Variants in TAB2 observed in about 807,000 individuals in gnomAD.
TAB2 encodes TGF-beta-activated kinase 1 and MAP3K7-binding protein 2.
TAB2 carries 3 observed loss-of-function variants against 65.0 expected under a neutral mutation model. That is an observed-to-expected ratio of 0.05 (90% CI 0.02 to 0.12). The LOEUF (loss-of-function observed/expected upper bound fraction) is 0.12, where lower values mean the gene tolerates loss of function less well. Among genes scored for constraint, TAB2 ranks in the 10% least tolerant of loss-of-function variants. The probability of loss-of-function intolerance (pLI) is 1.00; values close to 1 mark genes in which losing one functional copy is unlikely to be tolerated. For synonymous variants in TAB2, 298 were observed against 285.1 expected (o/e 1.05, Z -0.46); for missense variants, 623 against 840.3 (o/e 0.74, Z 3.20).
At chr6:149,257,956 C>T (rs186647348) in intron 1 of TAB2, among the ~76,000 whole-genome samples, 62 of 152,252 alleles carry the variant, frequency 4.1e-4, no homozygotes, top group Non-Finnish European at 2.2e-4. Context: ...TGGGGAGTGA[C>T]GAAGAAGCAA....
intron 6 of TAB2, among the ~76,000 whole-genome samples, chr6:149,399,626 T>A (rs1376616316): frequency 6.6e-6 from 1 of 152,080 alleles, no homozygotes; most frequent in African/African-American, 2.4e-5. Flanking sequence ...CTTCTATCAT[T>A]TTACATCATT....
chr6:149,394,791 C>T (rs1782112804), intron 3 of TAB2, among the ~76,000 whole-genome samples: 1 of 152,170 alleles, frequency 6.6e-6, no homozygotes, highest in Non-Finnish European at 1.5e-5. Flanking sequence ...TATGATAGAT[C>T]CCCATTTTAT....
At chr6:149,300,237 T>C (rs1778948426) in intron 1 of TAB2, among the ~76,000 whole-genome samples, 1 of 152,256 alleles carries the variant, frequency 6.6e-6, no homozygotes, top group Non-Finnish European at 1.5e-5. Context: ...ACAGTTATTC[T>C]GATTTTAAAA....
intron 1 of TAB2, among the ~76,000 whole-genome samples, chr6:149,250,710 G>C (rs1229141840): frequency 6.6e-6 from 1 of 152,144 alleles, no homozygotes; most frequent in Admixed American, 6.5e-5. Context: ...GGAAGTTTAG[G>C]GGGCAGATGG....
chr6:149,356,424 C>T (rs1196366958), intron 1 of TAB2, among the ~76,000 whole-genome samples: 2 of 152,192 alleles, frequency 1.3e-5, no homozygotes, highest in Admixed American at 6.5e-5. Context: ...ATACCATAAA[C>T]TAGGTAGCTT....
At chr6:149,366,686 A>T (rs1781051332) in intron 1 of TAB2, among the ~76,000 whole-genome samples, 1 of 152,050 alleles carries the variant, frequency 6.6e-6, no homozygotes, top group Non-Finnish European at 1.5e-5. Flanking sequence ...TCTACTGTTT[A>T]TAGTTGTTAT....
intron 1 of TAB2, among the ~76,000 whole-genome samples, chr6:149,282,442 T>C (rs1778591967): frequency 6.6e-6 from 1 of 151,988 alleles, no homozygotes; most frequent in African/African-American, 2.4e-5. Flanking sequence ...ATTGGGAATA[T>C]GAGCTAATTA....
intron 1 of TAB2, among the ~76,000 whole-genome samples, chr6:149,302,797 A>T (rs1778992968): frequency 6.6e-6 from 1 of 152,326 alleles, no homozygotes; most frequent in African/African-American, 2.4e-5. Flanking sequence ...TTCATATCTT[A>T]TCAGCAGGGT....
chr6:149,303,796 G>A (rs1195198446), intron 1 of TAB2, among the ~76,000 whole-genome samples: 1 of 152,074 alleles, frequency 6.6e-6, no homozygotes, highest in Non-Finnish European at 1.5e-5. Flanking sequence ...GCCTACTATG[G>A]ACGAGGTCCT....
intron 1 of TAB2, among the ~76,000 whole-genome samples, chr6:149,254,536 A>G (rs563743447): frequency 1.3e-5 from 2 of 152,224 alleles, no homozygotes; most frequent in East Asian, 1.9e-4. Flanking sequence ...GTGTTCAGGC[A>G]TAAGGCTCAT....
intron 1 of TAB2, among the ~76,000 whole-genome samples, chr6:149,349,494 A>G (rs1006621684): frequency 2.0e-5 from 3 of 151,702 alleles, no homozygotes; most frequent in Admixed American, 6.6e-5. Flanking sequence ...GATTAATGAC[A>G]TGCAGATCTG....
chr6:149,390,156 A>AT (rs1463882002), intron 3 of TAB2, among the ~76,000 whole-genome samples: 2 of 152,220 alleles, frequency 1.3e-5, no homozygotes, highest in Non-Finnish European at 2.9e-5. Flanking sequence ...AACAGATGTG[A>AT]TTCCTGTTGT....
At chr6:149,388,902 A>G (rs949320510) in intron 3 of TAB2, among the ~76,000 whole-genome samples, 4 of 150,858 alleles carry the variant, frequency 2.7e-5, no homozygotes, top group African/African-American at 9.8e-5. Flanking sequence ...TTTGTGTCTT[A>G]TTTAGAAAGC....
chr6:149,227,292 T>C (rs1031711860), intron 1 of TAB2, among the ~76,000 whole-genome samples: 1 of 152,210 alleles, frequency 6.6e-6, no homozygotes, highest in Non-Finnish European at 1.5e-5. Flanking sequence ...ATCTTCTCTT[T>C]GCTCCAGTAA....
At chr6:149,300,147 G>T (rs1778947236) in intron 1 of TAB2, among the ~76,000 whole-genome samples, 1 of 152,168 alleles carries the variant, frequency 6.6e-6, no homozygotes, top group African/African-American at 2.4e-5. Context: ...GGACTAGGAA[G>T]ATGGAAAACT....
chr6:149,346,751 G>A (rs1455835919), intron 1 of TAB2, among the ~76,000 whole-genome samples: 1 of 152,080 alleles, frequency 6.6e-6, no homozygotes, highest in Non-Finnish European at 1.5e-5. Flanking sequence ...ACCGTGCCCA[G>A]CTGGTGATAC....
chr6:149,308,606 G>A (rs966705998), intron 1 of TAB2, among the ~76,000 whole-genome samples: 3 of 151,816 alleles, frequency 2.0e-5, no homozygotes, highest in Non-Finnish European at 2.9e-5. Flanking sequence ...CAGGCTCACC[G>A]TAACCTCCGC....
chr6:149,307,672 C>T (rs917763812), intron 1 of TAB2, among the ~76,000 whole-genome samples: 2 of 148,314 alleles, frequency 1.3e-5, no homozygotes, highest in Non-Finnish European at 3.0e-5. Context: ...AACCTGAGTC[C>T]GAATAATAAA....
chr6:149,403,761 G>A (rs138155002), intron 6 of TAB2, among the ~76,000 whole-genome samples: 1 of 151,954 alleles, frequency 6.6e-6, no homozygotes, highest in Non-Finnish European at 1.5e-5. Flanking sequence ...ATGTCATATG[G>A]TGAGCGAGAC....
Sources: gnomAD v4.1 joint callset for allele counts (sites outside exome capture counted in the v4.1 genomes callset) on GRCh38, gnomAD v4.1.1 for gene constraint, MANE v1.5 for transcripts, NCBI Gene and HGNC (gene_info 2026-07-23, HGNC 2026-07-21) for gene names.